The following KIAA1217 variants were observed in gnomAD, a reference collection of about 807,000 sequenced individuals.
The protein encoded by KIAA1217 is KIAA1217.
KIAA1217 carries 88 observed loss-of-function variants against 163.9 expected under a neutral mutation model. That is an observed-to-expected ratio of 0.54 (90% confidence interval 0.45 to 0.64). The LOEUF (loss-of-function observed/expected upper bound fraction) is 0.64. Ranked by LOEUF, KIAA1217 falls within the 30% of genes least tolerant of loss-of-function variation. KIAA1217 has a pLI of 0.00. For missense variants in KIAA1217, 2,372 were observed against 2,475.0 expected (o/e 0.96, Z 0.88); for synonymous variants, 903 against 923.1 (o/e 0.98, Z 0.39).
intron 2 of KIAA1217, among the ~76,000 whole-genome samples, chr10:24,184,595 A>G (rs907432650): frequency 1.3e-5 from 2 of 152,218 alleles, no homozygotes. Context: ...CCATGAGGCC[A>G]AAGCCCCATT....
At chr10:23,894,111 T>G (rs1405574383) in intron 1 of KIAA1217, among the ~76,000 whole-genome samples, 154 of 150,004 alleles carry the variant, frequency 1.0e-3, no homozygotes, top group African/African-American at 2.9e-3. Flanking sequence ...ACCACTCCTA[T>G]TCAACATAGT....
intron 1 of KIAA1217, among the ~76,000 whole-genome samples, chr10:23,930,960 C>CT (rs919336545): frequency 2.0e-5 from 3 of 152,018 alleles, no homozygotes; most frequent in Admixed American, 2.0e-4. Context: ...AGTTCATTGT[C>CT]TTTTTTGCAA....
rs528237592 is a variant in KIAA1217, at chr10:24,449,393, C to T, written c.846+10914C>T. The stretch of plus-strand genomic sequence containing the variant: ...AGCCATATTGTATTTATAAACATCA[C>T]GTGTTTCCTTGATATGGCTTGCAGT... On this transcript the variant is annotated intron_variant, in intron 5 of 20. Coordinates refer to ENST00000376454, the MANE Select transcript of KIAA1217 (RefSeq NM_019590.5). 4 of 843,398 alleles carry T rather than the reference C, an allele frequency of 4.7e-6. No homozygotes were observed. The African/African-American group carries it at 5.5e-5, about 12-fold the overall frequency. The allele number at this position is 843,398 out of a possible 1,614,324, so 52.2% of individuals were successfully genotyped here.
chr10:23,940,197 C>T (rs1044580756), intron 1 of KIAA1217, among the ~76,000 whole-genome samples: 3 of 151,680 alleles, frequency 2.0e-5, no homozygotes, highest in Non-Finnish European at 4.4e-5. Context: ...CAGTGGCTCA[C>T]GCCTGTAATC....
At chr10:24,102,209 G>T (rs2131720569) in intron 2 of KIAA1217, among the ~76,000 whole-genome samples, 1 of 152,236 alleles carries the variant, frequency 6.6e-6, no homozygotes, top group South Asian at 2.1e-4. Context: ...AGGATAAAAT[G>T]TTAATATACA....
In KIAA1217 at chr10:24,543,005, C is replaced by T. The variant is rs942929415; in HGVS notation, c.3735C>T (p.Ser1245=). The T allele has an allele frequency of 1.9e-6, 3 of 1,613,200 alleles. No homozygotes were observed. The African/African-American group carries it at 4.0e-5, about 22-fold the overall frequency. Residue 1245 remains serine (S), a synonymous_variant, in exon 19 of 21, where the codon TCC becomes TCT. Transcript: ENST00000376454. The stretch of plus-strand genomic sequence containing the variant: ...CTGAGATCATAATGAAGGAAAATTC[C>T]ATATCCAATATGAGTTTACTCAGAG... The part of the protein sequence containing the change: ...YKTEIIMKEN[S]ISNMSLLRDS...
chr10:24,359,060 CTTTTCTTTTCTTTCTTTCTTTCTT>C (rs1233971078), intron 2 of KIAA1217, among the ~76,000 whole-genome samples: 14,684 of 139,548 alleles, frequency 0.11, 533 homozygotes, highest in Non-Finnish European at 0.15. Context: ...TTTCTTTTTT[CTTTTCTTTTCTTTCTTTCTTTCTT>C]TTTTTTTTTT....
intron 1 of KIAA1217, among the ~76,000 whole-genome samples, chr10:23,876,365 A>T (rs1840694295): frequency 6.6e-6 from 1 of 151,544 alleles, no homozygotes; most frequent in Non-Finnish European, 1.5e-5. Flanking sequence ...GGCTGAAAAA[A>T]CTTCCTGTTG....
At chr10:24,041,473 G>A (rs892581840) in intron 2 of KIAA1217, among the ~76,000 whole-genome samples, 1 of 152,078 alleles carries the variant, frequency 6.6e-6, no homozygotes, top group Non-Finnish European at 1.5e-5. Context: ...TCTTTAAAAG[G>A]TAAAATAATT....
intron 1 of KIAA1217, among the ~76,000 whole-genome samples, chr10:23,703,219 A>G (rs1354049341): frequency 6.6e-6 from 1 of 152,140 alleles, no homozygotes; most frequent in Non-Finnish European, 1.5e-5. Flanking sequence ...GGTCACCTAT[A>G]TGTATAGAGC....
intron 3 of KIAA1217, among the ~76,000 whole-genome samples, chr10:24,403,084 T>G (rs1362874435): frequency 3.9e-5 from 6 of 152,192 alleles, no homozygotes; most frequent in Non-Finnish European, 5.9e-5. Context: ...AACTTGAATG[T>G]AAAATGGAAA....
At chr10:24,127,220 T>C (rs1025753584) in intron 2 of KIAA1217, among the ~76,000 whole-genome samples, 6 of 152,168 alleles carry the variant, frequency 3.9e-5, no homozygotes, top group African/African-American at 1.4e-4. Flanking sequence ...AATGTAACCC[T>C]GAATGCCTTA....
At chr10:24,494,401 C>G in intron 6 of KIAA1217, 99 bp from the exon 7 acceptor site, 2 of 956,792 alleles carry the variant, frequency 2.1e-6, no homozygotes, top group Non-Finnish European at 3.3e-6. Flanking sequence ...CCACGGCCTT[C>G]TAGGTGGTAC....
intron 2 of KIAA1217, among the ~76,000 whole-genome samples, chr10:24,333,091 G>A (rs183534553): frequency 2.6e-5 from 4 of 151,614 alleles, no homozygotes; most frequent in East Asian, 2.0e-4. Flanking sequence ...GTGTGATCTC[G>A]GCTCACTGCA....
upstream of KIAA1217, among the ~76,000 whole-genome samples, chr10:24,203,806 G>A (rs1044559388): frequency 1.3e-5 from 2 of 152,112 alleles, no homozygotes; most frequent in African/African-American, 4.8e-5. Context: ...GCTCCCTCTG[G>A]GATAAAAGGG....
chr10:23,978,109 G>C (rs1354609776), intron 1 of KIAA1217, among the ~76,000 whole-genome samples: 1 of 152,106 alleles, frequency 6.6e-6, no homozygotes, highest in Non-Finnish European at 1.5e-5. Flanking sequence ...AAGGGAGTTG[G>C]GTGACACATT....
In KIAA1217 at chr10:23,920,596, G is replaced by T. The variant is rs150671625; in HGVS notation, c.-320-86629G>T. 1.0e-3 allele frequency among the ~76,000 whole-genome samples: 158 copies of T among 152,188 alleles called. 1 individual carries two copies. Among genetic ancestry groups the T allele is most frequent in the African/African-American group, 3.7e-3 (152 of 41,518 alleles). The stretch of plus-strand genomic sequence containing the variant: ...GACATTAAGGCTAATTCCTTCTTTT[G>T]TCTCTCTATTTATCTCTTAAATCCC... On this transcript the variant is annotated intron_variant, in intron 1 of 18. Transcript: ENST00000376462.
chr10:23,932,136 G>A (rs1843278169), intron 1 of KIAA1217, among the ~76,000 whole-genome samples: 1 of 152,096 alleles, frequency 6.6e-6, no homozygotes, highest in African/African-American at 2.4e-5. Context: ...AGAAGCTGAG[G>A]GGCAAGTGAG....
intron 1 of KIAA1217, among the ~76,000 whole-genome samples, chr10:23,778,180 T>TC (rs199929672): frequency 0.011 from 1,685 of 151,660 alleles, 24 homozygotes; most frequent in African/African-American, 0.039. Flanking sequence ...ACCTCGTGAT[T>TC]CCCCCCCCTT....
Sources: allele counts gnomAD v4.1 joint callset (sites outside exome capture counted in the v4.1 genomes callset), GRCh38; gene constraint gnomAD v4.1.1; transcripts MANE v1.5; gene names NCBI Gene and HGNC (gene_info 2026-07-23, HGNC 2026-07-21).